The following RPS6KC1 variants were observed in gnomAD, a reference collection of about 807,000 sequenced individuals.
The protein encoded by RPS6KC1 is inactive ribosomal protein S6 kinase delta-1.
In RPS6KC1, 54 loss-of-function variants were observed where a neutral mutation model predicts 103.8. The observed-to-expected ratio is 0.52, with a 90% CI of 0.42 to 0.65. RPS6KC1 has a LOEUF of 0.65. Ranked by LOEUF, RPS6KC1 falls within the 30% of genes least tolerant of loss-of-function variation. RPS6KC1 has a pLI of 0.00. For missense variants in RPS6KC1, 1,151 were observed against 1,253.8 expected (o/e 0.92, Z 1.24); for synonymous variants, 439 against 438.7 (o/e 1.00, Z -0.01).
chr1:213,735,882 A>C, the RPS6KC1 span, among the ~76,000 whole-genome samples: 15 of 152,272 alleles, frequency 9.9e-5, no homozygotes, highest in African/African-American at 3.4e-4. Context: ...TTCTCTTAGA[A>C]TCTTAGTCTG....
chr1:213,823,096 A>G, the RPS6KC1 span, among the ~76,000 whole-genome samples: 1 of 152,120 alleles, frequency 6.6e-6, no homozygotes, highest in Non-Finnish European at 1.5e-5. Context: ...GCTATAAATC[A>G]AAGCCTTGCT....
the RPS6KC1 span, among the ~76,000 whole-genome samples, chr1:213,353,556 C>T: frequency 6.6e-6 from 1 of 152,184 alleles, no homozygotes; most frequent in African/African-American, 2.4e-5. Context: ...GGACTTGGGT[C>T]CAAGGTGTCT....
chr1:213,289,015 G>A, the RPS6KC1 span, among the ~76,000 whole-genome samples: 1 of 152,034 alleles, frequency 6.6e-6, no homozygotes, highest in Non-Finnish European at 1.5e-5. Flanking sequence ...TTTCCGAAGC[G>A]CATCCTGCTC....
chr1:213,075,687 CTATT>C (rs1179589123), intron 2 of RPS6KC1, among the ~76,000 whole-genome samples: 2 of 152,214 alleles, frequency 1.3e-5, no homozygotes, highest in East Asian at 3.8e-4. Flanking sequence ...TGCTACACAG[CTATT>C]TATTCTTCAG....
the RPS6KC1 span, among the ~76,000 whole-genome samples, chr1:213,389,674 T>C: frequency 6.6e-6 from 1 of 152,192 alleles, no homozygotes; most frequent in Non-Finnish European, 1.5e-5. Flanking sequence ...CGTGGCTCCC[T>C]TCCCTTTCTT....
intron 4 of RPS6KC1, among the ~76,000 whole-genome samples, chr1:213,108,307 G>T (rs73086356): frequency 1.3e-5 from 2 of 152,038 alleles, no homozygotes; most frequent in East Asian, 1.9e-4. Flanking sequence ...CTTCTGGTGT[G>T]TGTATATCTA....
chr1:213,659,682 G>A, the RPS6KC1 span, among the ~76,000 whole-genome samples: 1 of 149,770 alleles, frequency 6.7e-6, no homozygotes, highest in Admixed American at 6.7e-5. Flanking sequence ...TTCAAGTTTC[G>A]ATTTCTTACA....
the RPS6KC1 span, among the ~76,000 whole-genome samples, chr1:213,656,886 C>T: frequency 6.6e-6 from 1 of 152,190 alleles, no homozygotes; most frequent in Admixed American, 6.5e-5. Context: ...AGAGCAGTAC[C>T]TTATTCTCTA....
At chr1:213,182,891 TG>T (rs1284569603) in intron 8 of RPS6KC1, among the ~76,000 whole-genome samples, 5 of 148,230 alleles carry the variant, frequency 3.4e-5, no homozygotes, top group Non-Finnish European at 5.9e-5. Flanking sequence ...TGCATATATA[TG>T]ACGTATATAT....
the RPS6KC1 span, among the ~76,000 whole-genome samples, chr1:213,519,226 G>A: frequency 1.3e-5 from 2 of 152,114 alleles, no homozygotes; most frequent in African/African-American, 2.4e-5. Flanking sequence ...CAGGTCATAC[G>A]GAGGTTCATG....
At chr1:213,426,424 G>A in the RPS6KC1 span, among the ~76,000 whole-genome samples, 1 of 152,076 alleles carries the variant, frequency 6.6e-6, no homozygotes, top group East Asian at 1.9e-4. Context: ...TGGTAGGGCC[G>A]ATTTTGGTGC....
chr1:213,777,565 A>G, the RPS6KC1 span, among the ~76,000 whole-genome samples: 1 of 152,210 alleles, frequency 6.6e-6, no homozygotes, highest in Non-Finnish European at 1.5e-5. Flanking sequence ...AATATATCTG[A>G]AATATTATAA....
the RPS6KC1 span, among the ~76,000 whole-genome samples, chr1:213,330,161 C>T: frequency 6.6e-6 from 1 of 152,176 alleles, no homozygotes; most frequent in Non-Finnish European, 1.5e-5. Flanking sequence ...ACAGGAGAAA[C>T]CTATTCCCAT....
the RPS6KC1 span, among the ~76,000 whole-genome samples, chr1:213,618,566 A>G: frequency 6.6e-6 from 1 of 152,254 alleles, no homozygotes; most frequent in African/African-American, 2.4e-5. Flanking sequence ...GCAAGGCATT[A>G]CTATAATCAC....
At chr1:213,474,835 C>G in the RPS6KC1 span, among the ~76,000 whole-genome samples, 14 of 152,074 alleles carry the variant, frequency 9.2e-5, no homozygotes, top group Admixed American at 7.9e-4. Context: ...AAAAAGGTCA[C>G]TGGTTAGCTA....
In RPS6KC1 at chr1:213,097,308, C is replaced by T. The variant is rs149616331; in HGVS notation, c.263-7146C>T. On this transcript the variant is annotated intron_variant, in intron 3 of 14. Coordinates refer to ENST00000366960, the MANE Select transcript of RPS6KC1 (RefSeq NM_012424.6). The stretch of plus-strand genomic sequence containing the variant: ...GGCGGAGGCTGCAGTGAGCTGAGAT[C>T]GCGCCACTGCACTCCAGCCTGGGAC... 8.6e-5 allele frequency among the ~76,000 whole-genome samples: 13 copies of T among 151,766 alleles called. No individual in the cohort carries two copies. The East Asian group carries it at 1.7e-3, about 20-fold the overall frequency.
the RPS6KC1 span, among the ~76,000 whole-genome samples, chr1:213,743,349 A>G: frequency 2.0e-5 from 3 of 152,220 alleles, no homozygotes; most frequent in East Asian, 5.8e-4. Flanking sequence ...AACTACAGAC[A>G]TAAACATGAA....
At chr1:213,838,061 T>C in the RPS6KC1 span, among the ~76,000 whole-genome samples, 1 of 152,210 alleles carries the variant, frequency 6.6e-6, no homozygotes, top group Non-Finnish European at 1.5e-5. Flanking sequence ...CTCTACTCTC[T>C]CGCTCCCATT....
At chr1:213,654,557 A>G in the RPS6KC1 span, among the ~76,000 whole-genome samples, 8 of 152,188 alleles carry the variant, frequency 5.3e-5, no homozygotes, top group African/African-American at 1.9e-4. Context: ...TAATCTCAAG[A>G]ACATCCATGC....
Sources: gnomAD v4.1 joint callset for allele counts (sites outside exome capture counted in the v4.1 genomes callset) on GRCh38, gnomAD v4.1.1 for gene constraint, MANE v1.5 for transcripts, NCBI Gene and HGNC (gene_info 2026-07-23, HGNC 2026-07-21) for gene names.